Variants in PDZD2 observed in about 807,000 individuals in gnomAD.
PDZD2 encodes the protein PDZ domain-containing protein 2.
PDZD2 carries 90 observed loss-of-function variants against 220.7 expected under a neutral mutation model. The observed-to-expected ratio is 0.41, with a 90% CI of 0.34 to 0.49. The LOEUF (loss-of-function observed/expected upper bound fraction) is 0.49, where lower values mean the gene tolerates loss of function less well. Among genes scored for constraint, PDZD2 ranks in the 20% least tolerant of loss-of-function variants. The probability of loss-of-function intolerance (pLI) is 0.28; values close to 1 mark genes in which losing one functional copy is unlikely to be tolerated. For synonymous variants in PDZD2, 1,375 were observed against 1,450.5 expected (o/e 0.95, Z 1.18); for missense variants, 3,174 against 3,608.5 (o/e 0.88, Z 3.08).
intron 6 of PDZD2, among the ~76,000 whole-genome samples, chr5:32,036,534 G>A (rs907815237): frequency 3.3e-5 from 5 of 152,148 alleles, no homozygotes; most frequent in Admixed American, 2.0e-4. Flanking sequence ...TCTCTAGGAT[G>A]GAGGACCCAG....
rs1452774939 is a variant in PDZD2 at position 32,088,119 on chromosome 5, T to G, written c.4671T>G (p.Asp1557Glu). The G allele has an allele frequency of 6.2e-7, 1 of 1,614,064 alleles. No homozygotes were observed. Among genetic ancestry groups the G allele is most frequent in the Non-Finnish European group, 8.5e-7 (1 of 1,180,028 alleles). Residue 1557 changes from aspartate (D) to glutamate (E), a missense_variant, in exon 20 of 25, where the codon GAT becomes GAG. Transcript: ENST00000438447. This position sits in a 1 kb window ranked among gnomAD's most constrained non-coding sequence, Gnocchi z 4.6. Reference protein sequence around the residue: ...SLSSMYGDAEDSSSDPESLTE... With the variant: ...SLSSMYGDAEESSSDPESLTE... The stretch of plus-strand genomic sequence containing the variant: ...CATCCATGTATGGCGATGCTGAGGA[T>G]TCTTCTTCTGACCCTGAGTCACTCA...
intron 2 of PDZD2, among the ~76,000 whole-genome samples, chr5:31,982,078 G>A (rs564099476): frequency 3.3e-5 from 5 of 152,188 alleles, no homozygotes; most frequent in East Asian, 3.9e-4. Context: ...TTATTCCTCC[G>A]ACTGTTCCTG....
chr5:31,904,167 TAA>T (rs994029486), intron 2 of PDZD2, among the ~76,000 whole-genome samples: 17 of 151,590 alleles, frequency 1.1e-4, no homozygotes, highest in African/African-American at 4.1e-4. Context: ...TATTCAACAT[TAA>T]GTTATGCCAC....
chr5:31,768,705 G>A (rs1752171849), intron 1 of PDZD2, among the ~76,000 whole-genome samples: 1 of 151,698 alleles, frequency 6.6e-6, no homozygotes, highest in African/African-American at 2.4e-5. Context: ...CTGAACTGAT[G>A]CCTGGTCGAA....
chr5:31,652,918 G>C (rs920217902), intron 1 of PDZD2, among the ~76,000 whole-genome samples: 1 of 152,052 alleles, frequency 6.6e-6, no homozygotes, highest in African/African-American at 2.4e-5. Context: ...AGGCTGAGGT[G>C]GGAGAATCGC....
chr5:31,830,339 TTTTTTTTTTTGTA>T (rs1207431753), intron 2 of PDZD2, among the ~76,000 whole-genome samples: 1 of 147,170 alleles, frequency 6.8e-6, no homozygotes, highest in African/African-American at 2.5e-5. Context: ...CTAATTTTTT[TTTTTTTTTTTGTA>T]TTTTTAGTAG....
chr5:31,914,687 G>A (rs1178999520), intron 2 of PDZD2, among the ~76,000 whole-genome samples: 1 of 152,214 alleles, frequency 6.6e-6, no homozygotes, highest in Non-Finnish European at 1.5e-5. Flanking sequence ...TGGTGCCATT[G>A]CTAGTGCCAT....
In PDZD2 at chr5:31,799,374, G is replaced by A; in HGVS notation, c.126G>A (p.Leu42=). 1 of 1,614,232 alleles carries A rather than the reference G, an allele frequency of 6.2e-7. No individual in the cohort carries two copies. Among genetic ancestry groups the A allele is most frequent in the Non-Finnish European group, 8.5e-7 (1 of 1,180,036 alleles). ...TCTGCCAGGCGGCCATCCAGAAGCT[G>A]CAGGAGTACATCCAGCTGAACTTTG... is the stretch of plus-strand genomic sequence containing the variant. The part of the protein sequence containing the change: ...QRLCQAAIQK[L]QEYIQLNFAV... Residue 42 remains leucine, a synonymous_variant, in exon 2 of 25, where the codon CTG becomes CTA. Coordinates refer to ENST00000438447, the MANE Select transcript of PDZD2 (RefSeq NM_178140.4).
intron 3 of PDZD2, among the ~76,000 whole-genome samples, chr5:31,993,128 G>T (rs1436423923): frequency 2.0e-5 from 3 of 152,196 alleles, no homozygotes; most frequent in Non-Finnish European, 4.4e-5. Flanking sequence ...AGGCCAGGGA[G>T]GATGTTTCTG....
At chr5:31,741,192 TAC>T (rs3032908) in intron 1 of PDZD2, among the ~76,000 whole-genome samples, 41,622 of 150,146 alleles carry the variant, frequency 0.28, 5,730 homozygotes, top group East Asian at 0.35. Flanking sequence ...CAATAGTGTG[TAC>T]ACACACACAC....
intron 2 of PDZD2, chr5:31,822,438 T>A (rs1580826205): frequency 5.1e-6 from 2 of 393,992 alleles, no homozygotes; most frequent in Non-Finnish European, 9.5e-6. Flanking sequence ...ACCTGGCTAA[T>A]TTTTTTATAG....
chr5:31,996,063 G>A (rs1276360162), intron 4 of PDZD2, among the ~76,000 whole-genome samples: 2 of 152,094 alleles, frequency 1.3e-5, no homozygotes, highest in Non-Finnish European at 2.9e-5. Context: ...GTAGAACACC[G>A]CATTCCTAAG....
intron 2 of PDZD2, among the ~76,000 whole-genome samples, chr5:31,885,208 C>T (rs1412936749): frequency 6.9e-6 from 1 of 145,446 alleles, no homozygotes; most frequent in Non-Finnish European, 1.5e-5. Context: ...GTTAGGTAAT[C>T]AGAGAAATGC....
chr5:32,067,169 TTC>T (rs1432134602), intron 14 of PDZD2, among the ~76,000 whole-genome samples: 1 of 152,248 alleles, frequency 6.6e-6, no homozygotes, highest in Non-Finnish European at 1.5e-5. Context: ...ATTTCTTTTC[TTC>T]TGTTTCTCAT....
chr5:32,099,186 T>C (rs1474456959), intron 23 of PDZD2: 1 of 153,528 alleles, frequency 6.5e-6, no homozygotes, highest in African/African-American at 2.4e-5. Flanking sequence ...ATTCAGAGCC[T>C]CAGAACCACG....
chr5:31,814,824 AG>A (rs1755330570), intron 2 of PDZD2, among the ~76,000 whole-genome samples: 1 of 151,624 alleles, frequency 6.6e-6, no homozygotes, highest in African/African-American at 2.4e-5. Flanking sequence ...TAAAAAAAAA[AG>A]AAAGAAGGAA....
chr5:31,900,997 G>A (rs1417987620), intron 2 of PDZD2, among the ~76,000 whole-genome samples: 1 of 152,282 alleles, frequency 6.6e-6, no homozygotes, highest in African/African-American at 2.4e-5. Context: ...GGTTTTCTCT[G>A]AACACTAGTG....
At position 32,025,254 on chromosome 5, in the gene PDZD2, G is replaced by A. The variant is rs530995644; in HGVS notation, c.1408-11977G>A. On this transcript the variant is annotated intron_variant, in intron 6 of 24. Transcript: ENST00000438447. ...TTAACAGTGAGCCCTGGCCGGGTGC[G>A]GTGGCTCACATCTGTAATCCCAGCA... 1.6e-4 allele frequency among the ~76,000 whole-genome samples: 24 copies of A among 152,094 alleles called. 1 individual carries two copies. The highest frequency in any genetic ancestry group is 6.3e-3 in the Middle Eastern group (2 of 316).
intron 2 of PDZD2, chr5:31,908,977 C>T (rs1420270556): frequency 1.3e-5 from 4 of 317,160 alleles, no homozygotes; most frequent in African/African-American, 2.2e-5. Flanking sequence ...ACCCGGGAGG[C>T]GGAGGCTGCA....
Sources: gnomAD v4.1 joint callset for allele counts (sites outside exome capture counted in the v4.1 genomes callset) on GRCh38, gnomAD v4.1.1 for gene constraint, Gnocchi (gnomAD v3.1) non-coding constraint, MANE v1.5 for transcripts, NCBI Gene and HGNC (gene_info 2026-07-23, HGNC 2026-07-21) for gene names.